Variants in SLIT3 observed in about 807,000 individuals in gnomAD.
SLIT3 encodes the protein slit guidance ligand 3.
A neutral mutation model predicts 184.0 loss-of-function variants in SLIT3; 68 were observed. That is an observed-to-expected ratio of 0.37 (90% CI 0.30 to 0.45). SLIT3 has a LOEUF of 0.45. Among genes scored for constraint, SLIT3 ranks in the 20% least tolerant of loss-of-function variants. SLIT3 has a pLI of 1.00. For missense variants in SLIT3, 1,707 were observed against 2,026.0 expected, an observed-to-expected ratio of 0.84 and a Z score of 3.02; for synonymous variants, 831 against 828.6, an observed-to-expected ratio of 1.00 and a Z score of -0.05.
chr5:168,693,673 G>A (rs1234749450), intron 28 of SLIT3, among the ~76,000 whole-genome samples: 5 of 152,146 alleles, frequency 3.3e-5, no homozygotes, highest in Admixed American at 6.5e-5. Flanking sequence ...GGAGCAGGGC[G>A]GGGAAAGCTG....
chr5:169,003,700 T>TA (rs1172596683), intron 4 of SLIT3, among the ~76,000 whole-genome samples: 1 of 152,216 alleles, frequency 6.6e-6, no homozygotes, highest in African/African-American at 2.4e-5. Flanking sequence ...TATAAAGATA[T>TA]AAGAGCTGAA....
At chr5:169,270,918 G>A (rs1026029699) in intron 1 of SLIT3, among the ~76,000 whole-genome samples, 1 of 152,086 alleles carries the variant, frequency 6.6e-6, no homozygotes, top group Non-Finnish European at 1.5e-5. Flanking sequence ...CTTAGGTTGG[G>A]TTAAGAACTA....
intron 4 of SLIT3, among the ~76,000 whole-genome samples, chr5:168,887,388 A>C (rs1173282667): frequency 1.3e-5 from 2 of 152,184 alleles, no homozygotes; most frequent in Non-Finnish European, 2.9e-5. Context: ...GAAGTTCCTC[A>C]AAACTTGGAG....
chr5:168,691,906 G>A (rs1299499702), intron 29 of SLIT3, among the ~76,000 whole-genome samples: 4 of 152,192 alleles, frequency 2.6e-5, no homozygotes, highest in Non-Finnish European at 5.9e-5. Context: ...ATGAAGGAAG[G>A]TGAAAGGAAG....
At chr5:169,006,966 T>C (rs1755959031) in intron 4 of SLIT3, among the ~76,000 whole-genome samples, 1 of 149,014 alleles carries the variant, frequency 6.7e-6, no homozygotes, top group African/African-American at 2.5e-5. Context: ...TGTAATGTGG[T>C]TAGGATCCGT....
chr5:169,140,457 G>T (rs1761683490), intron 4 of SLIT3, among the ~76,000 whole-genome samples: 1 of 132,118 alleles, frequency 7.6e-6, no homozygotes, highest in African/African-American at 2.8e-5. Context: ...TCTGGCCTGG[G>T]CAACAAGAGT....
At chr5:169,183,706 T>C (rs1763242988) in intron 4 of SLIT3, among the ~76,000 whole-genome samples, 1 of 152,128 alleles carries the variant, frequency 6.6e-6, no homozygotes, top group Non-Finnish European at 1.5e-5. Context: ...AAGCCACCCT[T>C]CCAAAGAGAA....
chr5:168,890,843 C>G (rs1475588845), intron 4 of SLIT3, among the ~76,000 whole-genome samples: 1 of 152,196 alleles, frequency 6.6e-6, no homozygotes, highest in Non-Finnish European at 1.5e-5. Flanking sequence ...GGGTCCATCC[C>G]AAACCTACTG....
chr5:169,205,471 A>G (rs1183087747), intron 3 of SLIT3, among the ~76,000 whole-genome samples: 1 of 152,202 alleles, frequency 6.6e-6, no homozygotes, highest in Non-Finnish European at 1.5e-5. Context: ...ACCTACTAGG[A>G]TATCCATTCA....
intron 4 of SLIT3, chr5:169,024,862 T>C (rs1295113613): frequency 6.6e-6 from 1 of 152,210 alleles, no homozygotes; most frequent in Non-Finnish European, 1.5e-5. Context: ...ATTCCTACCC[T>C]GATGTACACA....
chr5:168,918,219 A>T (rs1048000009), intron 4 of SLIT3, among the ~76,000 whole-genome samples: 2 of 152,220 alleles, frequency 1.3e-5, no homozygotes, highest in African/African-American at 4.8e-5. Flanking sequence ...TTTCAGATGA[A>T]ATCAGGTAAT....
chr5:168,770,955 G>C (rs1755530711), intron 14 of SLIT3, among the ~76,000 whole-genome samples: 1 of 151,606 alleles, frequency 6.6e-6, no homozygotes. Flanking sequence ...TTCCTGGGGA[G>C]ATACCAGTCC....
intron 5 of SLIT3, among the ~76,000 whole-genome samples, chr5:168,851,203 G>A (rs2113728094): frequency 6.6e-6 from 1 of 151,764 alleles, no homozygotes; most frequent in African/African-American, 2.4e-5. Flanking sequence ...GGCGCCTGTA[G>A]TCCCAGCTAC....
At chr5:169,246,873 C>G in intron 2 of SLIT3, among the ~76,000 whole-genome samples, 1 of 135,160 alleles carries the variant, frequency 7.4e-6, no homozygotes, top group Non-Finnish European at 1.5e-5. Context: ...GAGCCAAGAT[C>G]GTACCACTGC....
chr5:168,783,987 A>G (rs1756064763), intron 12 of SLIT3, among the ~76,000 whole-genome samples: 1 of 152,186 alleles, frequency 6.6e-6, no homozygotes. Flanking sequence ...CATGGCTGCT[A>G]TTAGCTTGGA....
chr5:169,174,549 C>G (rs542838444), intron 4 of SLIT3, among the ~76,000 whole-genome samples: 1 of 152,148 alleles, frequency 6.6e-6, no homozygotes, highest in Non-Finnish European at 1.5e-5. Flanking sequence ...TTTCCCTTGA[C>G]GTCAAATGGG....
intron 4 of SLIT3, among the ~76,000 whole-genome samples, chr5:168,924,043 C>T (rs575381081): frequency 6.6e-4 from 100 of 152,370 alleles, no homozygotes; most frequent in African/African-American, 2.3e-3. Context: ...TGGTCCTTTA[C>T]AGAATGGGTT....
chr5:168,872,910 G>GA (rs1759584564), intron 5 of SLIT3, among the ~76,000 whole-genome samples: 1 of 152,080 alleles, frequency 6.6e-6, no homozygotes, highest in Non-Finnish European at 1.5e-5. Flanking sequence ...AAAGTGCTGG[G>GA]ATTACAGGCA....
At chr5:168,763,976 G>C (rs996003380) in intron 14 of SLIT3, among the ~76,000 whole-genome samples, 19 of 152,316 alleles carry the variant, frequency 1.2e-4, no homozygotes, top group African/African-American at 3.4e-4. Context: ...TTGCATTTAG[G>C]AGCATTAGCT....
Sources: allele counts gnomAD v4.1 joint callset (sites outside exome capture counted in the v4.1 genomes callset), GRCh38; gene constraint gnomAD v4.1.1; transcripts MANE v1.5; gene names NCBI Gene and HGNC (gene_info 2026-07-23, HGNC 2026-07-21).